KANTR: variants seen among roughly 807,000 people sequenced by gnomAD.
KANTR encodes KANTR integral membrane protein, also known as KDM5C adjacent transcript.
chrX:53,112,157 T>C (rs1933051839), intron 2 of KANTR, among the ~76,000 whole-genome samples: 1 of 110,808 alleles, frequency 9.0e-6, no homozygotes, highest in Non-Finnish European at 1.9e-5. Context: ...CAAAGTCCAT[T>C]GTGTCATTCT....
intron 2 of KANTR, among the ~76,000 whole-genome samples, chrX:53,110,922 CA>C (rs1160968426): frequency 3.7e-4 from 34 of 91,679 alleles, no homozygotes; most frequent in South Asian, 9.9e-4. Flanking sequence ...GACTCTGTCT[CA>C]AAAAAAAAAA....
At chrX:53,130,145 G>A (rs1222042397), downstream of KANTR, among the ~76,000 whole-genome samples, 1 of 111,946 alleles carries the variant, frequency 8.9e-6, no homozygotes, top group Non-Finnish European at 1.9e-5. Flanking sequence ...GGGATTACAG[G>A]CGTGAGCCAC....
At chrX:53,119,825 T>C (rs1933190526) in intron 2 of KANTR, among the ~76,000 whole-genome samples, 1 of 109,104 alleles carries the variant, frequency 9.2e-6, no homozygotes. Context: ...GCTCAAGCGG[T>C]CCTCCCACCT....
chrX:53,147,135 A>G (rs1050784407), downstream of KANTR, among the ~76,000 whole-genome samples: 6 of 111,961 alleles, frequency 5.4e-5, no homozygotes, highest in African/African-American at 2.0e-4. Context: ...CTTAAATGTA[A>G]CTGGGCTAAA....
At chrX:53,144,951 A>AT (rs1257612690), downstream of KANTR, among the ~76,000 whole-genome samples, 6 of 111,464 alleles carry the variant, frequency 5.4e-5, no homozygotes, top group African/African-American at 2.0e-4. Context: ...CTTTTAATCC[A>AT]TATTGTACAG....
intron 2 of KANTR, among the ~76,000 whole-genome samples, chrX:53,135,325 A>T (rs1556817476): frequency 9.0e-6 from 1 of 111,716 alleles, no homozygotes. Flanking sequence ...CTAGAAAAGA[A>T]TCGTGGGGGT....
chrX:53,138,989 C>T (rs1166926214), intron 2 of KANTR, among the ~76,000 whole-genome samples: 9 of 109,889 alleles, frequency 8.2e-5, no homozygotes, highest in Non-Finnish European at 1.1e-4. Context: ...TTGTGGTGGG[C>T]GGATCACTTG....
At chrX:53,120,488 G>A (rs1439527568) in intron 2 of KANTR, among the ~76,000 whole-genome samples, 1 of 111,307 alleles carries the variant, frequency 9.0e-6, no homozygotes, top group African/African-American at 3.3e-5. Flanking sequence ...GCTCTCTATT[G>A]TAAATAAATT....
intron 2 of KANTR, among the ~76,000 whole-genome samples, chrX:53,117,610 T>TG (rs782797715): frequency 0.25 from 4,802 of 19,335 alleles, 155 homozygotes; most frequent in Non-Finnish European, 0.31. Flanking sequence ...TGTGTGTGTG[T>TG]TTTTTTTTTT....
At chrX:53,136,418 A>G (rs1219748539) in intron 2 of KANTR, among the ~76,000 whole-genome samples, 1 of 103,931 alleles carries the variant, frequency 9.6e-6, no homozygotes, top group African/African-American at 3.5e-5. Context: ...TTGTATTTTT[A>G]CTAGAGATGG....
downstream of KANTR, among the ~76,000 whole-genome samples, chrX:53,127,659 C>G (rs782302762): frequency 8.9e-6 from 1 of 111,856 alleles, no homozygotes; most frequent in East Asian, 2.8e-4. Flanking sequence ...TATTTTCTGA[C>G]TGGCTGTACG....
At chrX:53,142,450 G>A (rs1933516872) in exon 3 of KANTR, 1 of 197,613 alleles carries the variant, frequency 5.1e-6, no homozygotes, top group African/African-American at 3.0e-5. Context: ...CCAGTAGCTG[G>A]GATTATAGGC....
At chrX:53,137,160 A>G (rs1031738413) in intron 2 of KANTR, among the ~76,000 whole-genome samples, 5 of 111,177 alleles carry the variant, frequency 4.5e-5, no homozygotes, top group Non-Finnish European at 9.4e-5. Flanking sequence ...AGTGGAATAA[A>G]TAGGTTTTAC....
At chrX:53,131,279 A>G (rs1156872440), downstream of KANTR, among the ~76,000 whole-genome samples, 1 of 111,749 alleles carries the variant, frequency 8.9e-6, no homozygotes, top group Non-Finnish European at 1.9e-5. Context: ...AGAGTGGGTC[A>G]TGTGGAAAAC....
chrX:53,103,543 C>G (rs1932913396), intron 2 of KANTR, among the ~76,000 whole-genome samples: 1 of 111,198 alleles, frequency 9.0e-6, no homozygotes, highest in South Asian at 3.8e-4. Context: ...CCTTCGCCCT[C>G]TGCCACTTCA....
chrX:53,144,669 G>GA (rs368748373), downstream of KANTR, among the ~76,000 whole-genome samples: 58 of 105,168 alleles, frequency 5.5e-4, no homozygotes, highest in African/African-American at 1.2e-3. Context: ...GTAAAGAAAA[G>GA]AAAAAAAAAA....
chrX:53,112,596 T>C (rs1556813965), intron 2 of KANTR, among the ~76,000 whole-genome samples: 10 of 111,557 alleles, frequency 9.0e-5, no homozygotes. Context: ...AGAAATCTGC[T>C]GCTAGCCTTA....
intron 2 of KANTR, chrX:53,113,087 G>T: frequency 3.8e-6 from 1 of 264,481 alleles, no homozygotes; most frequent in South Asian, 4.9e-5. Flanking sequence ...CTTTATCTTT[G>T]ACCTTTTGGC....
intron 2 of KANTR, among the ~76,000 whole-genome samples, chrX:53,140,590 G>C (rs1556818347): frequency 9.2e-6 from 1 of 108,346 alleles, no homozygotes; most frequent in African/African-American, 3.4e-5. Flanking sequence ...GAAGTACACA[G>C]ATATATAAGG....
Sources: allele counts gnomAD v4.1 joint callset (sites outside exome capture counted in the v4.1 genomes callset), GRCh38; gene constraint gnomAD v4.1.1; transcripts MANE v1.5; gene names NCBI Gene and HGNC (gene_info 2026-07-23, HGNC 2026-07-21).